PKHD1: variants seen among roughly 807,000 people sequenced by gnomAD.
The protein encoded by PKHD1 is PKHD1 ciliary IPT domain containing fibrocystin/polyductin.
In PKHD1, 291 loss-of-function variants were observed where a neutral mutation model predicts 412.0. The observed-to-expected ratio is 0.71, with a 90% CI of 0.64 to 0.78. PKHD1 has a LOEUF of 0.78. Ranked by LOEUF, PKHD1 falls within the 30% of genes least tolerant of loss-of-function variation. The probability of loss-of-function intolerance (pLI) is 0.00; values close to 1 mark genes in which losing one functional copy is unlikely to be tolerated. For missense variants in PKHD1, 4,825 were observed against 4,950.7 expected (o/e 0.97, Z 0.76); for synonymous variants, 1,777 against 1,821.5 (o/e 0.98, Z 0.62).
Position 51,669,382 on chromosome 6 carries a change from C to T in PKHD1, c.10157-9413G>A, listed in dbSNP as rs549299060. ...ATGGTAGTTTGTATTTCTGTGGGAT[C>T]GGTGGTGATATCCCCTTTATCATTT... On this transcript the variant is annotated intron_variant, in intron 60 of 66. Coordinates refer to ENST00000371117, the MANE Select transcript of PKHD1 (RefSeq NM_138694.4). Among the ~76,000 whole-genome samples, 25 of 152,110 alleles carry T rather than the reference C, an allele frequency of 1.6e-4. No individual in the cohort carries two copies. In the South Asian group the frequency reaches 1.7e-3, roughly 10 times the overall value.
At chr6:52,014,739 TGGATGGATGG>T in intron 34 of PKHD1, among the ~76,000 whole-genome samples, 1 of 144,796 alleles carries the variant, frequency 6.9e-6, no homozygotes, top group Non-Finnish European at 1.5e-5. Context: ...GATGGATGGA[TGGATGGATGG>T]ATGGATGGAT....
chr6:51,840,042 CCT>C (rs1447716409), intron 50 of PKHD1, among the ~76,000 whole-genome samples: 1 of 152,022 alleles, frequency 6.6e-6, no homozygotes, highest in African/African-American at 2.4e-5. Context: ...ACCTCCACAA[CCT>C]CTCTGTTACC....
chr6:51,729,777 G>T (rs1162439480), intron 60 of PKHD1, among the ~76,000 whole-genome samples: 1 of 152,060 alleles, frequency 6.6e-6, no homozygotes, highest in Non-Finnish European at 1.5e-5. Flanking sequence ...AGTAGCAGTG[G>T]TCATTATTGC....
rs573638194 is a variant in PKHD1 at position 51,818,557 on chromosome 6, G to GA, written c.8302+12303dup. ...ATCATTTCCCTCAACTGTAAAATGT[G>GA]AAAACAAAAAATGTGGCCGAGGCCA... On this transcript the variant is annotated intron_variant, in intron 52 of 66. Coordinates refer to ENST00000371117, the MANE Select transcript of PKHD1 (RefSeq NM_138694.4). Among the ~76,000 whole-genome samples, 72 of 152,124 alleles carry GA rather than the reference G, an allele frequency of 4.7e-4. 2 individuals are homozygous for GA. In the East Asian group the frequency reaches 0.013, roughly 27 times the overall value.
chr6:51,684,121 A>G (rs9474052), intron 60 of PKHD1, among the ~76,000 whole-genome samples: 1,864 of 152,232 alleles, frequency 0.012, 33 homozygotes, highest in African/African-American at 0.042. Context: ...TTATTTAATT[A>G]TCATAGCAAA....
intron 34 of PKHD1, among the ~76,000 whole-genome samples, chr6:52,013,227 G>C (rs184855283): frequency 2.1e-4 from 32 of 152,232 alleles, no homozygotes; most frequent in African/African-American, 7.5e-4. Context: ...CGCTGGCAGA[G>C]GTACAAGTAA....
chr6:51,916,403 T>C (rs1783814410), intron 37 of PKHD1, among the ~76,000 whole-genome samples: 1 of 152,184 alleles, frequency 6.6e-6, no homozygotes, highest in African/African-American at 2.4e-5. Flanking sequence ...TTTTGTTATT[T>C]ATTTTAACAG....
chr6:52,083,411 G>GT (rs1158527988), intron 2 of PKHD1, among the ~76,000 whole-genome samples, 156 bp from the exon 3 acceptor site: 1 of 152,226 alleles, frequency 6.6e-6, no homozygotes, highest in Non-Finnish European at 1.5e-5. Flanking sequence ...TTCTGGTTCC[G>GT]TAGGTCTGGG....
At chr6:51,896,425 G>T (rs1404643562) in intron 43 of PKHD1, among the ~76,000 whole-genome samples, 1 of 152,068 alleles carries the variant, frequency 6.6e-6, no homozygotes, top group African/African-American at 2.4e-5. Flanking sequence ...ACACGGCAGG[G>T]TACTCCAACA....
chr6:52,048,460 G>A (rs762985928), intron 23 of PKHD1, 32 bp downstream of exon 23: 4 of 1,609,936 alleles, frequency 2.5e-6, no homozygotes, highest in Non-Finnish European at 3.4e-6. Flanking sequence ...ATATGTGAGT[G>A]AGAATTGTTG....
intron 37 of PKHD1, among the ~76,000 whole-genome samples, chr6:51,931,373 T>C (rs1786560064): frequency 6.6e-6 from 1 of 152,106 alleles, no homozygotes; most frequent in African/African-American, 2.4e-5. Flanking sequence ...GCATACTTGA[T>C]GGTGAAAGAA....
intron 50 of PKHD1, 23 bp from the exon 51 acceptor site, chr6:51,836,492 T>C: frequency 6.5e-7 from 1 of 1,535,740 alleles, no homozygotes; most frequent in Non-Finnish European, 9.0e-7. Context: ...AGCCACAACT[T>C]GCATGTGATA....
intron 36 of PKHD1, among the ~76,000 whole-genome samples, chr6:51,952,047 A>G (rs1260818698): frequency 6.6e-6 from 1 of 152,188 alleles, no homozygotes. Flanking sequence ...ATAAAACTGT[A>G]AATTGTTTAA....
rs1351857570 is a variant in PKHD1 at position 51,647,941 on chromosome 6, A to T, written c.11398+90T>A. 1.5e-5 allele frequency: 12 copies of T among 811,396 alleles called. No homozygotes were observed. In the East Asian group the frequency reaches 2.9e-4, roughly 20 times the overall value. The allele number at this position is 811,396 out of a possible 1,614,324, so 50.3% of individuals were successfully genotyped here. ...ATTACTGAAGAAATTCAGTATTACCAATTTTGCTATGAATTCCTAATGGCT... is the reference window on the plus strand; with the variant it reads ...ATTACTGAAGAAATTCAGTATTACCTATTTTGCTATGAATTCCTAATGGCT... On this transcript the variant is annotated intron_variant, in intron 63 of 66. Coordinates refer to ENST00000371117, the MANE Select transcript of PKHD1 (RefSeq NM_138694.4).
At chr6:51,640,367 G>C (rs1320145060) in intron 63 of PKHD1, among the ~76,000 whole-genome samples, 1 of 152,184 alleles carries the variant, frequency 6.6e-6, no homozygotes, top group Non-Finnish European at 1.5e-5. Flanking sequence ...GCTTGCCTTA[G>C]AGATCTCTAC....
chr6:51,827,808 T>C (rs771966075), intron 52 of PKHD1, among the ~76,000 whole-genome samples: 3 of 152,170 alleles, frequency 2.0e-5, no homozygotes, highest in Middle Eastern at 6.8e-3. Flanking sequence ...TTGAACAGAG[T>C]GAATGTTTGG....
Position 52,045,059 on chromosome 6 carries a change from A to G in PKHD1, c.2622T>C (p.Asn874=), listed in dbSNP as rs1351121259. The G allele has an allele frequency of 1.2e-6, 2 of 1,613,434 alleles. No individual in the cohort carries two copies. The highest frequency in any genetic ancestry group is 1.7e-6 in the Non-Finnish European group (2 of 1,179,416). ...ATACCACACGCGTGGCTGCAGCAGG[A>G]TTCACTCCAGTAAGGTTTTCATCAG... ...RVSDENLTGV[N]PAAATRVVYD... The change falls in exon 25 of 67, where the codon AAT becomes AAC. Residue 874 remains asparagine (N), a synonymous_variant. Coordinates refer to ENST00000371117, the MANE Select transcript of PKHD1 (RefSeq NM_138694.4).
At chr6:51,950,585 G>A (rs1790219068) in intron 36 of PKHD1, among the ~76,000 whole-genome samples, 1 of 152,090 alleles carries the variant, frequency 6.6e-6, no homozygotes, top group Non-Finnish European at 1.5e-5. Context: ...CCCAGAGTAG[G>A]TTTACTGTAG....
chr6:51,985,800 G>T (rs184255896), intron 35 of PKHD1, among the ~76,000 whole-genome samples: 1 of 151,884 alleles, frequency 6.6e-6, no homozygotes, highest in African/African-American at 2.4e-5. Context: ...AAAATAGAAA[G>T]GTTTCTTTTT....
Sources: allele counts gnomAD v4.1 joint callset (sites outside exome capture counted in the v4.1 genomes callset), GRCh38; gene constraint gnomAD v4.1.1; transcripts MANE v1.5; gene names NCBI Gene and HGNC (gene_info 2026-07-23, HGNC 2026-07-21).